CACNA2D3: variants seen among roughly 807,000 people sequenced by gnomAD.
CACNA2D3 encodes the protein calcium voltage-gated channel auxiliary subunit alpha2delta 3, also known as voltage-dependent calcium channel subunit alpha-2/delta-3.
In CACNA2D3, 60 loss-of-function variants were observed where a neutral mutation model predicts 160.6. The observed-to-expected ratio is 0.37, with a 90% CI of 0.30 to 0.46. The LOEUF (loss-of-function observed/expected upper bound fraction) is 0.46, where lower values mean the gene tolerates loss of function less well. Among genes scored for constraint, CACNA2D3 ranks in the 20% least tolerant of loss-of-function variants. The pLI is 1.00. For synonymous variants in CACNA2D3, 558 were observed against 492.9 expected (o/e 1.13, Z -1.75); for missense variants, 1,205 against 1,365.0 (o/e 0.88, Z 1.85).
At chr3:54,882,696 C>T (rs1699828930) in intron 21 of CACNA2D3, among the ~76,000 whole-genome samples, 2 of 152,172 alleles carry the variant, frequency 1.3e-5, no homozygotes, top group Admixed American at 6.5e-5. Flanking sequence ...AAGAAAGCTG[C>T]TTCCCCTTGG....
At chr3:55,050,392 G>C (rs1470135325) in intron 35 of CACNA2D3, among the ~76,000 whole-genome samples, 1 of 151,540 alleles carries the variant, frequency 6.6e-6, no homozygotes, top group Non-Finnish European at 1.5e-5. Context: ...TGAAATTCTG[G>C]GTTGAAAATT....
chr3:54,469,056 A>G (rs1394622946), intron 4 of CACNA2D3, among the ~76,000 whole-genome samples: 5 of 152,230 alleles, frequency 3.3e-5, no homozygotes, highest in Non-Finnish European at 7.3e-5. Context: ...CCCATCTCCC[A>G]GCACAGTGCT....
chr3:55,004,850 G>T lies in CACNA2D3; in HGVS notation c.2766+12G>T. On this transcript the variant is annotated intron_variant, in intron 32 of 37. Transcript: ENST00000474759. ...ATGGCCTCCTGGATGTAAGTACTAT[G>T]CTGTCACTCAGAAAACAGCCACACA... The T allele has an allele frequency of 6.3e-7, 1 of 1,599,520 alleles. No individual in the cohort carries two copies.
At chr3:54,626,630 G>A (rs1012562704) in intron 9 of CACNA2D3, 41 of 1,178,430 alleles carry the variant, frequency 3.5e-5, no homozygotes, top group Non-Finnish European at 5.0e-5. Flanking sequence ...CACTCCTCCC[G>A]CTTCATCCCT....
At chr3:54,757,280 G>A (rs1487730060) in intron 12 of CACNA2D3, among the ~76,000 whole-genome samples, 2 of 152,140 alleles carry the variant, frequency 1.3e-5, no homozygotes, top group East Asian at 3.9e-4. Flanking sequence ...CAATGGAAAT[G>A]CCACATGTGT....
At chr3:54,640,322 A>G (rs563535122) in intron 10 of CACNA2D3, among the ~76,000 whole-genome samples, 82 of 152,346 alleles carry the variant, frequency 5.4e-4, no homozygotes, top group Non-Finnish European at 8.1e-4. Flanking sequence ...TGCAGATTTT[A>G]ATAGAGAAGG....
At chr3:54,189,845 T>C (rs9880752) in intron 2 of CACNA2D3, among the ~76,000 whole-genome samples, 92,377 of 152,104 alleles carry the variant, frequency 0.61, 28,280 homozygotes, top group East Asian at 0.74. Flanking sequence ...AAAGGAGTTG[T>C]TTTCTTATGT....
intron 2 of CACNA2D3, 131 bp from the exon 3 acceptor site, chr3:54,320,311 A>C (rs1172185932): frequency 1.9e-6 from 1 of 532,698 alleles, no homozygotes; most frequent in Non-Finnish European, 3.3e-6. Flanking sequence ...TTTAATATCC[A>C]CAAATTCACC....
chr3:55,043,618 G>C (rs1704009086), intron 35 of CACNA2D3, among the ~76,000 whole-genome samples: 1 of 151,918 alleles, frequency 6.6e-6, no homozygotes, highest in Admixed American at 6.6e-5. Context: ...ATAGTATCTT[G>C]CACAGAGCAG....
chr3:54,822,248 A>G (rs1703621024), intron 14 of CACNA2D3, among the ~76,000 whole-genome samples: 1 of 152,200 alleles, frequency 6.6e-6, no homozygotes, highest in Admixed American at 6.5e-5. Context: ...ACAGTGGACT[A>G]CAGTTTAAAT....
At chr3:55,015,613 A>T (rs1479090806) in intron 34 of CACNA2D3, among the ~76,000 whole-genome samples, 1 of 152,222 alleles carries the variant, frequency 6.6e-6, no homozygotes, top group Admixed American at 6.5e-5. Flanking sequence ...TAATTTAAAT[A>T]TGAAAAGAAA....
chr3:54,627,755 A>G (rs1288189456), intron 9 of CACNA2D3, 32 bp from the exon 10 acceptor site: 2 of 1,416,244 alleles, frequency 1.4e-6, no homozygotes, highest in Non-Finnish European at 2.0e-6. Flanking sequence ...AACAGGACAG[A>G]CACTAATGGA....
intron 2 of CACNA2D3, among the ~76,000 whole-genome samples, chr3:54,218,082 A>G (rs1288158968): frequency 6.6e-6 from 1 of 151,952 alleles, no homozygotes; most frequent in Admixed American, 6.5e-5. Context: ...GAGGTGCGTT[A>G]GAGAGAGAGG....
chr3:54,681,948 G>A (rs1241079258), intron 11 of CACNA2D3, among the ~76,000 whole-genome samples: 2 of 152,086 alleles, frequency 1.3e-5, no homozygotes, highest in Non-Finnish European at 2.9e-5. Flanking sequence ...CTCTCAAAGT[G>A]CTGGGATTAC....
chr3:54,223,795 T>C (rs1454082722), intron 2 of CACNA2D3, among the ~76,000 whole-genome samples: 1 of 145,142 alleles, frequency 6.9e-6, no homozygotes, highest in Non-Finnish European at 1.5e-5. Context: ...GAGGTTGCAG[T>C]GAGCCGAGAT....
At chr3:54,652,010 T>C (rs2106865420) in intron 11 of CACNA2D3, among the ~76,000 whole-genome samples, 1 of 152,316 alleles carries the variant, frequency 6.6e-6, no homozygotes, top group South Asian at 2.1e-4. Flanking sequence ...TTACAAAGCA[T>C]TTTCTTTGCC....
chr3:55,025,445 A>C (rs1444579838), intron 35 of CACNA2D3, among the ~76,000 whole-genome samples: 1 of 151,978 alleles, frequency 6.6e-6, no homozygotes, highest in African/African-American at 2.4e-5. Context: ...CAGCCTGGCC[A>C]ATATGGTGAA....
At chr3:54,853,305 C>T (rs1699100101) in intron 17 of CACNA2D3, among the ~76,000 whole-genome samples, 1 of 152,202 alleles carries the variant, frequency 6.6e-6, no homozygotes, top group Non-Finnish European at 1.5e-5. Flanking sequence ...TGCTACTACA[C>T]AGAGCGGGTA....
chr3:54,465,309 C>A (rs368632125), intron 4 of CACNA2D3, among the ~76,000 whole-genome samples: 179 of 152,100 alleles, frequency 1.2e-3, no homozygotes, highest in African/African-American at 4.2e-3. Context: ...TCCTTAAGAT[C>A]ATTATTTTTG....
Sources: allele counts gnomAD v4.1 joint callset (sites outside exome capture counted in the v4.1 genomes callset), GRCh38; gene constraint gnomAD v4.1.1; transcripts MANE v1.5; gene names NCBI Gene and HGNC (gene_info 2026-07-23, HGNC 2026-07-21).